ASTN2: variants seen among roughly 807,000 people sequenced by gnomAD.
ASTN2 encodes astrotactin-2.
A neutral mutation model predicts 139.8 loss-of-function variants in ASTN2; 54 were observed. The observed-to-expected ratio is 0.39, with a 90% confidence interval of 0.31 to 0.48. The LOEUF is 0.48. Ranked by LOEUF, ASTN2 falls within the 20% of genes least tolerant of loss-of-function variation. The pLI, the probability that ASTN2 is intolerant of heterozygous loss-of-function variation, is 0.95. For missense variants in ASTN2, 1,565 were observed against 1,725.1 expected, an observed-to-expected ratio of 0.91 and a Z score of 1.64; for synonymous variants, 756 against 719.5, an observed-to-expected ratio of 1.05 and a Z score of -0.81.
chr9:117,260,109 G>C (rs1020834767), intron 2 of ASTN2, among the ~76,000 whole-genome samples: 4 of 152,136 alleles, frequency 2.6e-5, no homozygotes, highest in East Asian at 3.9e-4. Context: ...CATGGGCTTG[G>C]GGAGAGGGGA....
intron 16 of ASTN2, among the ~76,000 whole-genome samples, chr9:116,682,647 C>A (rs922330055): frequency 1.3e-5 from 2 of 152,114 alleles, no homozygotes; most frequent in Admixed American, 6.5e-5. Context: ...CAATGATAGA[C>A]TGGATTAAGA....
chr9:116,488,059 G>A (rs1169279611), intron 19 of ASTN2, among the ~76,000 whole-genome samples: 1 of 152,180 alleles, frequency 6.6e-6, no homozygotes, highest in African/African-American at 2.4e-5. Context: ...GATTAGTGAT[G>A]AAGGTCATGG....
intron 19 of ASTN2, among the ~76,000 whole-genome samples, chr9:116,544,301 C>G (rs12115644): frequency 0.16 from 24,708 of 152,066 alleles, 2,518 homozygotes; most frequent in Non-Finnish European, 0.23. Context: ...AACCCAGAAA[C>G]CCTCCATGTC....
At chr9:117,266,674 T>C (rs1423979505) in intron 2 of ASTN2, among the ~76,000 whole-genome samples, 2 of 152,244 alleles carry the variant, frequency 1.3e-5, no homozygotes, top group Non-Finnish European at 2.9e-5. Flanking sequence ...TTCTCCTTCC[T>C]TTCATATTTT....
intron 20 of ASTN2, among the ~76,000 whole-genome samples, chr9:116,466,564 C>A (rs888206991): frequency 2.0e-5 from 3 of 152,096 alleles, no homozygotes; most frequent in Non-Finnish European, 2.9e-5. Context: ...TTCTACCTTC[C>A]CACACCTTCC....
chr9:116,437,560 T>G (rs1847698348), intron 22 of ASTN2: 1 of 471,086 alleles, frequency 2.1e-6, no homozygotes, highest in Non-Finnish European at 4.4e-6. Flanking sequence ...AGAAGATTTA[T>G]GTCCTGGAGG....
At chr9:116,439,193 C>CTTTTTTTTTTTTTT (rs1564277528) in intron 22 of ASTN2, among the ~76,000 whole-genome samples, 3 of 102,780 alleles carry the variant, frequency 2.9e-5, no homozygotes, top group African/African-American at 1.1e-4. Flanking sequence ...TATTCAAATA[C>CTTTTTTTTTTTTTT]ATTTTTTTTT....
Position 117,051,796 on chromosome 9 carries a change from T to G in ASTN2, c.1277-11831A>C, listed in dbSNP as rs564375231. 3.3e-5 allele frequency among the ~76,000 whole-genome samples: 5 copies of G among 152,256 alleles called. No homozygotes were observed. In the South Asian group the frequency reaches 1.0e-3, roughly 32 times the overall value. On this transcript the variant is annotated intron_variant, in intron 5 of 22. Transcript: ENST00000313400. ...GGAAGAGGGCAGGAGGACAGCCACG[T>G]TCACAGTCAGATTGCCCAGAGCCAG...
chr9:116,896,976 G>A (rs1010927648), intron 10 of ASTN2, among the ~76,000 whole-genome samples: 3 of 152,148 alleles, frequency 2.0e-5, no homozygotes, highest in East Asian at 1.9e-4. Context: ...ACTCGATCTC[G>A]TTATGGTCTC....
At chr9:116,861,897 G>A (rs1832891073) in intron 11 of ASTN2, among the ~76,000 whole-genome samples, 1 of 151,808 alleles carries the variant, frequency 6.6e-6, no homozygotes, top group Non-Finnish European at 1.5e-5. Context: ...TAAGGAGGGG[G>A]ATTCCAATGA....
chr9:117,377,464 A>G (rs899023475), intron 1 of ASTN2, among the ~76,000 whole-genome samples: 3 of 152,208 alleles, frequency 2.0e-5, no homozygotes, highest in African/African-American at 7.2e-5. Context: ...TCCTGAACCC[A>G]TAAACGTCCC....
At chr9:116,888,280 A>C (rs78986648) in intron 10 of ASTN2, among the ~76,000 whole-genome samples, 2,209 of 152,152 alleles carry the variant, frequency 0.015, 19 homozygotes, top group Middle Eastern at 0.024. Flanking sequence ...AAGAAAAAAA[A>C]CCAAAAATCA....
intron 19 of ASTN2, among the ~76,000 whole-genome samples, chr9:116,522,712 GGAA>G (rs1850931244): frequency 6.6e-6 from 1 of 151,982 alleles, no homozygotes; most frequent in African/African-American, 2.4e-5. Flanking sequence ...AAGAGGAAGA[GGAA>G]GAAGAATTGT....
At chr9:117,307,372 A>G (rs1195899360) in intron 1 of ASTN2, among the ~76,000 whole-genome samples, 1 of 152,206 alleles carries the variant, frequency 6.6e-6, no homozygotes, top group Non-Finnish European at 1.5e-5. Flanking sequence ...CCTCACACAC[A>G]CATTCTATAA....
chr9:116,533,004 C>T (rs964620039), intron 19 of ASTN2, among the ~76,000 whole-genome samples: 27 of 152,228 alleles, frequency 1.8e-4, no homozygotes, highest in African/African-American at 6.5e-4. Flanking sequence ...ATGGAATGTT[C>T]TTCCATTTGT....
At position 116,425,219 on chromosome 9, in the gene ASTN2, A is replaced by T; in HGVS notation, c.*632T>A. 1 of 284,582 alleles carries T rather than the reference A, an allele frequency of 3.5e-6. No homozygotes were observed. Among genetic ancestry groups the T allele is most frequent in the Non-Finnish European group, 6.5e-6 (1 of 152,938 alleles). The allele number at this position is 284,582 out of a possible 1,614,324, so 17.6% of individuals were successfully genotyped here. A position where few individuals can be genotyped will look rare whatever the true frequency, so the allele number is the denominator to read the frequency against. ...ATTCCCTTGGTAAGAAATACCACCC[A>T]AGCAGAAAGAGAGACAATAGGAATT... On this transcript the variant is annotated 3_prime_UTR_variant, in exon 23 of 23. Transcript: ENST00000313400.
chr9:116,457,692 A>T (rs1848373507), intron 20 of ASTN2, among the ~76,000 whole-genome samples: 1 of 152,208 alleles, frequency 6.6e-6, no homozygotes, highest in Non-Finnish European at 1.5e-5. Context: ...TCCAAAAGTC[A>T]GGCAATAACA....
At chr9:116,564,829 A>T (rs1367041283) in intron 19 of ASTN2, among the ~76,000 whole-genome samples, 1 of 152,142 alleles carries the variant, frequency 6.6e-6, no homozygotes, top group African/African-American at 2.4e-5. Context: ...TTTCTATGAT[A>T]CTAATTTATA....
chr9:116,498,143 G>A (rs1398680575), intron 19 of ASTN2, among the ~76,000 whole-genome samples: 1 of 152,192 alleles, frequency 6.6e-6, no homozygotes, highest in Admixed American at 6.5e-5. Context: ...GTTAAGGCAA[G>A]CCTTCCAAAC....
Sources: allele counts gnomAD v4.1 joint callset (sites outside exome capture counted in the v4.1 genomes callset), GRCh38; gene constraint gnomAD v4.1.1; transcripts MANE v1.5; gene names NCBI Gene and HGNC (gene_info 2026-07-23, HGNC 2026-07-21).